Variants in UPP2 observed in about 807,000 individuals in gnomAD.
UPP2 encodes the protein UPase 2.
Under a neutral mutation model 26.7 loss-of-function variants are expected in UPP2, and 23 were observed. The ratio of observed to expected loss-of-function variants is 0.86; its 90% CI spans 0.62 to 1.22. The LOEUF is 1.22. Among genes scored for constraint, UPP2 ranks in the 50% most tolerant of loss-of-function variants. The probability of loss-of-function intolerance (pLI) is 0.00; values close to 1 mark genes in which losing one functional copy is unlikely to be tolerated. For synonymous variants in UPP2, 127 were observed against 141.3 expected, an observed-to-expected ratio of 0.90 and a Z score of 0.72; for missense variants, 387 against 396.7, an observed-to-expected ratio of 0.98 and a Z score of 0.21.
At chr2:158,112,821 G>C (rs1330691099) in intron 2 of UPP2, among the ~76,000 whole-genome samples, 7 of 152,198 alleles carry the variant, frequency 4.6e-5, no homozygotes, top group Admixed American at 3.9e-4. Context: ...TAAGATGCTA[G>C]GGATATCTAA....
chr2:158,099,845 C>T (rs534092457), upstream of UPP2, among the ~76,000 whole-genome samples: 33 of 152,278 alleles, frequency 2.2e-4, no homozygotes, highest in African/African-American at 7.9e-4. Flanking sequence ...AGGCAAGACA[C>T]CATGGAGCAT....
chr2:158,093,610 TA>T (rs1376315577), intron 3 of UPP2, among the ~76,000 whole-genome samples: 1 of 152,030 alleles, frequency 6.6e-6, no homozygotes, highest in Non-Finnish European at 1.5e-5. Flanking sequence ...CAAACATATA[TA>T]AAGGCGTTTA....
intron 3 of UPP2, among the ~76,000 whole-genome samples, chr2:158,036,593 C>T (rs1684003785): frequency 6.6e-6 from 1 of 152,170 alleles, no homozygotes; most frequent in African/African-American, 2.4e-5. Flanking sequence ...TAGCTCTTAT[C>T]TGTTCGTTCA....
intron 3 of UPP2, among the ~76,000 whole-genome samples, chr2:158,031,967 C>A (rs1036172108): frequency 1.3e-5 from 2 of 152,162 alleles, no homozygotes; most frequent in African/African-American, 4.8e-5. Context: ...GAGCACACAT[C>A]TTCATACAGC....
chr2:157,997,100 ACT>A (rs1204143072), intron 2 of UPP2, among the ~76,000 whole-genome samples: 1 of 152,058 alleles, frequency 6.6e-6, no homozygotes, highest in Non-Finnish European at 1.5e-5. Flanking sequence ...TTCTTTGGAA[ACT>A]CTGAGGGTAA....
intron 3 of UPP2, among the ~76,000 whole-genome samples, chr2:158,035,003 GAAGC>G (rs1683978175): frequency 6.6e-6 from 1 of 152,144 alleles, no homozygotes; most frequent in Non-Finnish European, 1.5e-5. Context: ...TTGAAGATGT[GAAGC>G]AGAGGTGTGG....
At chr2:158,096,837 AT>A (rs1170179866) in intron 3 of UPP2, among the ~76,000 whole-genome samples, 1 of 151,968 alleles carries the variant, frequency 6.6e-6, no homozygotes, top group African/African-American at 2.4e-5. Flanking sequence ...AACCAAAACT[AT>A]TTTTTTATCA....
At chr2:157,997,800 C>T (rs906524536) in intron 2 of UPP2, among the ~76,000 whole-genome samples, 1 of 152,146 alleles carries the variant, frequency 6.6e-6, no homozygotes, top group Non-Finnish European at 1.5e-5. Context: ...GGGGAAGATG[C>T]TTTGAAAGGG....
At position 158,124,258 on chromosome 2, in the gene UPP2, G is replaced by A. The variant is rs566816751; in HGVS notation, c.811+363G>A. Among the ~76,000 whole-genome samples the A allele has an allele frequency of 2.0e-5, 3 of 152,256 alleles. No homozygotes were observed. In the South Asian group the frequency reaches 6.2e-4, roughly 32 times the overall value. ...ATAGTCCATCAATCATAATTTTAAA[G>A]AGCATGGTCAGGGAAGGATGGGAGA... On this transcript the variant is annotated intron_variant, in intron 6 of 6. Coordinates refer to ENST00000005756, the MANE Select transcript of UPP2 (RefSeq NM_173355.4).
chr2:157,995,268 G>C (rs1404559245), intron 2 of UPP2: 3 of 1,613,414 alleles, frequency 1.9e-6, no homozygotes, highest in Middle Eastern at 1.6e-4. Flanking sequence ...AGGTTAGTGA[G>C]GGAAGAGGAG....
chr2:158,036,925 A>G (rs1307274063), intron 3 of UPP2, among the ~76,000 whole-genome samples: 2 of 152,184 alleles, frequency 1.3e-5, no homozygotes, highest in Non-Finnish European at 2.9e-5. Flanking sequence ...CCTTAAAAGA[A>G]AGTGACACAT....
At chr2:158,017,325 T>C (rs1189941535) in intron 3 of UPP2, among the ~76,000 whole-genome samples, 1 of 152,130 alleles carries the variant, frequency 6.6e-6, no homozygotes, top group African/African-American at 2.4e-5. Flanking sequence ...GACCCAGAGG[T>C]ACCTTGTGAA....
intron 3 of UPP2, among the ~76,000 whole-genome samples, chr2:158,088,696 C>G (rs866939217): frequency 6.6e-6 from 1 of 152,196 alleles, no homozygotes; most frequent in Non-Finnish European, 1.5e-5. Context: ...TTGCTCTCCC[C>G]CTTCCTCTAG....
chr2:158,047,060 C>G (rs1463559403), intron 3 of UPP2, among the ~76,000 whole-genome samples: 1 of 152,142 alleles, frequency 6.6e-6, no homozygotes, highest in Non-Finnish European at 1.5e-5. Context: ...AATCAGCTAT[C>G]ATTGTTCTTT....
intron 4 of UPP2, among the ~76,000 whole-genome samples, chr2:158,120,009 T>A (rs1325205447): frequency 3.8e-5 from 4 of 106,532 alleles, no homozygotes; most frequent in African/African-American, 1.2e-4. Flanking sequence ...AGACCTCATC[T>A]CAAAAAAAAA....
intron 2 of UPP2, among the ~76,000 whole-genome samples, chr2:158,010,880 C>G (rs1683566331): frequency 6.6e-6 from 1 of 151,612 alleles, no homozygotes; most frequent in Non-Finnish European, 1.5e-5. Flanking sequence ...ATTCTGGTGC[C>G]TTAGCCTCCC....
chr2:158,090,232 G>C (rs1027960225), intron 3 of UPP2, among the ~76,000 whole-genome samples: 1 of 152,208 alleles, frequency 6.6e-6, no homozygotes, highest in Non-Finnish European at 1.5e-5. Context: ...GCCGGGCACA[G>C]TGGCTCACTC....
chr2:158,015,490 T>G (rs1381870763), intron 2 of UPP2, among the ~76,000 whole-genome samples: 1 of 152,214 alleles, frequency 6.6e-6, no homozygotes, highest in Admixed American at 6.6e-5. Flanking sequence ...CATCTGTTGT[T>G]GGATATCTAG....
chr2:158,113,042 C>A (rs187565924), intron 2 of UPP2, among the ~76,000 whole-genome samples: 1 of 152,124 alleles, frequency 6.6e-6, no homozygotes, highest in Non-Finnish European at 1.5e-5. Flanking sequence ...GCAGCCAGAC[C>A]GAAAATTGTG....
Sources: allele counts gnomAD v4.1 joint callset (sites outside exome capture counted in the v4.1 genomes callset), GRCh38; gene constraint gnomAD v4.1.1; transcripts MANE v1.5; gene names NCBI Gene and HGNC (gene_info 2026-07-23, HGNC 2026-07-21).